Variants in NLN observed in about 807,000 individuals in gnomAD.
The protein encoded by NLN is neurolysin, mitochondrial.
Under a neutral mutation model 79.9 loss-of-function variants are expected in NLN, and 64 were observed. The observed-to-expected ratio is 0.80, with a 90% CI of 0.65 to 0.99. The LOEUF is 0.99. NLN is among the 50% of genes least tolerant of loss of function. The pLI, the probability that NLN is intolerant of heterozygous loss-of-function variation, is 0.00. For missense variants in NLN, 835 were observed against 858.7 expected, an observed-to-expected ratio of 0.97 and a Z score of 0.34; for synonymous variants, 267 against 296.6, an observed-to-expected ratio of 0.90 and a Z score of 1.02.
chr5:65,799,448 T>A (rs1281496354), intron 9 of NLN, among the ~76,000 whole-genome samples: 1 of 152,192 alleles, frequency 6.6e-6, no homozygotes, highest in Non-Finnish European at 1.5e-5. Context: ...TTTGAGTTGT[T>A]TAAGTTTGAA....
intron 3 of NLN, among the ~76,000 whole-genome samples, chr5:65,773,082 T>C (rs1224516053): frequency 1.3e-5 from 2 of 150,882 alleles, no homozygotes; most frequent in Non-Finnish European, 3.0e-5. Context: ...CCTCCCAAAC[T>C]GCTGGGATTA....
intron 11 of NLN, among the ~76,000 whole-genome samples, chr5:65,811,447 G>A (rs539377645): frequency 9.9e-5 from 15 of 151,666 alleles, no homozygotes; most frequent in East Asian, 5.8e-4. Context: ...AGGCTGAGGC[G>A]GGAAGATCAC....
intron 1 of NLN, among the ~76,000 whole-genome samples, chr5:65,738,366 A>C (rs1215941372): frequency 1.3e-5 from 2 of 152,004 alleles, no homozygotes; most frequent in African/African-American, 2.4e-5. Flanking sequence ...GGAGGATTGC[A>C]GGAGCCCAGG....
At chr5:65,820,019 A>G (rs942892333) in intron 12 of NLN, among the ~76,000 whole-genome samples, 4 of 152,236 alleles carry the variant, frequency 2.6e-5, no homozygotes, top group Non-Finnish European at 5.9e-5. Context: ...ACTGAGCCAC[A>G]TATTGTGAGA....
intron 9 of NLN, among the ~76,000 whole-genome samples, chr5:65,800,043 A>G (rs1402363969): frequency 6.6e-6 from 1 of 152,214 alleles, no homozygotes; most frequent in Non-Finnish European, 1.5e-5. Flanking sequence ...CAGACAGCCA[A>G]TGTCAGGTCT....
intron 1 of NLN, among the ~76,000 whole-genome samples, chr5:65,746,990 C>A (rs252652): frequency 1.3e-3 from 186 of 140,104 alleles, no homozygotes; most frequent in Middle Eastern, 3.7e-3. Context: ...GGTGACTGAG[C>A]GAGATTCTGT....
intron 3 of NLN, among the ~76,000 whole-genome samples, chr5:65,766,167 C>G (rs1759446443): frequency 6.6e-6 from 1 of 152,170 alleles, no homozygotes. Flanking sequence ...CAGGTAGGAA[C>G]TAATCAGGCA....
intron 1 of NLN, among the ~76,000 whole-genome samples, chr5:65,747,623 G>A (rs574489883): frequency 5.9e-5 from 9 of 152,176 alleles, no homozygotes; most frequent in East Asian, 3.9e-4. Flanking sequence ...ACATGTGTAC[G>A]GATGCCCCCA....
At chr5:65,722,608 C>G in intron 1 of NLN, 194 bp downstream of exon 1, 1 of 538,636 alleles carries the variant, frequency 1.9e-6, no homozygotes. Context: ...TTCCCGCCTC[C>G]GCTCCCTCGG....
At chr5:65,739,185 G>A (rs2707791) in intron 1 of NLN, among the ~76,000 whole-genome samples, 31,319 of 150,462 alleles carry the variant, frequency 0.21, 3,401 homozygotes, top group Non-Finnish European at 0.24. Context: ...TTACAGACAT[G>A]AGCCACCATG....
intron 3 of NLN, among the ~76,000 whole-genome samples, chr5:65,765,458 C>T (rs543786903): frequency 6.6e-6 from 1 of 152,262 alleles, no homozygotes; most frequent in African/African-American, 2.4e-5. Flanking sequence ...GTGGAGGTTG[C>T]AGTGAGTCTA....
At chr5:65,754,824 T>C (rs1759184469) in intron 1 of NLN, among the ~76,000 whole-genome samples, 1 of 152,170 alleles carries the variant, frequency 6.6e-6, no homozygotes, top group African/African-American at 2.4e-5. Context: ...TTTTCCCATT[T>C]TATATCCTGC....
intron 9 of NLN, among the ~76,000 whole-genome samples, chr5:65,802,376 CCA>C (rs1760305011): frequency 6.6e-6 from 1 of 152,176 alleles, no homozygotes; most frequent in East Asian, 1.9e-4. Flanking sequence ...ACCAGGCGTA[CCA>C]CAAGCAGCTT....
At chr5:65,789,155 GACTCT>G (rs1321582476) in intron 8 of NLN, among the ~76,000 whole-genome samples, 1 of 152,046 alleles carries the variant, frequency 6.6e-6, no homozygotes, top group Non-Finnish European at 1.5e-5. Flanking sequence ...TTTAAAAAAA[GACTCT>G]ACTCTTCCAT....
intron 1 of NLN, among the ~76,000 whole-genome samples, chr5:65,749,621 A>C: frequency 6.6e-6 from 1 of 152,224 alleles, no homozygotes; most frequent in Admixed American, 6.5e-5. Flanking sequence ...GAACAGTGGC[A>C]GAATGTATGC....
intron 12 of NLN, among the ~76,000 whole-genome samples, chr5:65,822,313 CTGT>C (rs1415126099): frequency 2.0e-5 from 3 of 152,220 alleles, no homozygotes; most frequent in African/African-American, 4.8e-5. Context: ...GAAGAGGGTT[CTGT>C]TGTTGTTGTT....
intron 1 of NLN, chr5:65,733,218 A>C (rs563347094): frequency 6.6e-7 from 1 of 1,516,652 alleles, no homozygotes; most frequent in East Asian, 2.3e-5. Context: ...TCTGATTCAT[A>C]TCCTAATGTG....
intron 1 of NLN, among the ~76,000 whole-genome samples, chr5:65,727,798 G>T (rs1003342664): frequency 6.6e-6 from 1 of 152,058 alleles, no homozygotes; most frequent in Admixed American, 6.6e-5. Context: ...AGACAGTCTC[G>T]CTCTGTTGCC....
Position 65,742,902 on chromosome 5 carries a change from C to T in NLN, c.42-15665C>T, listed in dbSNP as rs1758902186. Among the ~76,000 whole-genome samples, 8 of 152,226 alleles carry T rather than the reference C, an allele frequency of 5.3e-5. No individual in the cohort carries two copies. In the South Asian group the frequency reaches 1.4e-3, roughly 28 times the overall value. On this transcript the variant is annotated intron_variant, in intron 1 of 12. Coordinates refer to ENST00000380985, the MANE Select transcript of NLN (RefSeq NM_020726.5). Reference sequence around the variant, plus strand: ...ATTGCTTTATTATTTGCTTTATTTACTTGGTGTCTGGGACTGAACTTAGTG... The same window carrying T: ...ATTGCTTTATTATTTGCTTTATTTATTTGGTGTCTGGGACTGAACTTAGTG...
Sources: allele counts gnomAD v4.1 joint callset (sites outside exome capture counted in the v4.1 genomes callset), GRCh38; gene constraint gnomAD v4.1.1; transcripts MANE v1.5; gene names NCBI Gene and HGNC (gene_info 2026-07-23, HGNC 2026-07-21).